The following C16orf74 variants were observed in gnomAD, a reference collection of about 807,000 sequenced individuals.
C16orf74 encodes the protein uncharacterized protein C16orf74.
A neutral mutation model predicts 6.5 loss-of-function variants in C16orf74; 10 were observed. The ratio of observed to expected loss-of-function variants is 1.54; its 90% confidence interval spans 0.95 to 2.61. The LOEUF is 2.61. C16orf74 is among the 30% of genes most tolerant of loss of function. The pLI is 0.00. For missense variants in C16orf74, 141 were observed against 105.9 expected (o/e 1.33, Z -1.45); for synonymous variants, 60 against 42.5 (o/e 1.41, Z -1.60).
Position 85,707,920 on chromosome 16 carries a change from G to T in C16orf74, c.*88C>A. The T allele has an allele frequency of 1.7e-6, 2 of 1,181,264 alleles. No homozygotes were observed. Among genetic ancestry groups the T allele is most frequent in the Non-Finnish European group, 2.4e-6 (2 of 821,562 alleles). The allele number at this position is 1,181,264 out of a possible 1,614,324, so 73.2% of individuals were successfully genotyped here. A position where few individuals can be genotyped will look rare whatever the true frequency, so the allele number is the denominator to read the frequency against. ...GCTCAGTTCCCATCCAGGGTATTCA[G>T]CACACCTGCTCCAGGCAGCCACGCC... On this transcript the variant is annotated 3_prime_UTR_variant, in exon 4 of 4. Transcript: ENST00000284245.
At position 85,728,611 on chromosome 16, in the gene C16orf74, G is replaced by A. The variant is rs183769385; in HGVS notation, c.28+6579C>T. Among the ~76,000 whole-genome samples the A allele has an allele frequency of 2.4e-4, 37 of 152,330 alleles. No individual in the cohort carries two copies. The South Asian group carries it at 3.1e-3, about 13-fold the overall frequency. ...CAGCCACTCTAGTGGGAAAGCCCAT[G>A]CCTGCAGTTTAAGTCTTCCTGCAGA... is the stretch of plus-strand genomic sequence containing the variant. On this transcript the variant is annotated intron_variant, in intron 2 of 3. Transcript: ENST00000284245.
At chr16:85,738,975 T>C (rs1258960852) in intron 1 of C16orf74, among the ~76,000 whole-genome samples, 1 of 133,192 alleles carries the variant, frequency 7.5e-6, no homozygotes, top group Non-Finnish European at 1.7e-5. Flanking sequence ...AGCCAGAACT[T>C]TGGACTCTAG....
In C16orf74 at chr16:85,710,157, G is replaced by T. The variant is rs751878722; in HGVS notation, c.172+7C>A. 7.0e-7 allele frequency: 1 copy of T among 1,427,580 alleles called. No individual in the cohort carries two copies. The highest frequency in any genetic ancestry group is 3.4e-5 in the Admixed American group (1 of 29,014). The allele number at this position is 1,427,580 out of a possible 1,614,324, so 88.4% of individuals were successfully genotyped here. On this transcript the variant is annotated splice_region_variant and intron_variant, in intron 3 of 3. Transcript: ENST00000284245. ...ACCCGGCTTGGCGGTGGAGGGGACG[G>T]CCTCACCTGTGCTCCCCAAGTCCCT...
chr16:85,732,838 C>A (rs1424760171), intron 2 of C16orf74, among the ~76,000 whole-genome samples: 2 of 152,144 alleles, frequency 1.3e-5, no homozygotes, highest in Admixed American at 6.5e-5. Flanking sequence ...ACAAGCCACA[C>A]TCGGGACAGG....
intron 2 of C16orf74, among the ~76,000 whole-genome samples, chr16:85,724,869 C>A (rs184420219): frequency 6.6e-5 from 10 of 152,174 alleles, no homozygotes; most frequent in Admixed American, 6.5e-4. Context: ...CCTGACCTCA[C>A]GGATCCAGGA....
At chr16:85,748,105 T>C (rs1406033143) in intron 1 of C16orf74, among the ~76,000 whole-genome samples, 17 of 74,130 alleles carry the variant, frequency 2.3e-4, no homozygotes, top group Non-Finnish European at 5.1e-4. Flanking sequence ...TATATATATA[T>C]ACATATATAT....
At chr16:85,740,504 C>T (rs1388133325) in intron 1 of C16orf74, among the ~76,000 whole-genome samples, 2 of 151,938 alleles carry the variant, frequency 1.3e-5, no homozygotes, top group Non-Finnish European at 2.9e-5. Flanking sequence ...AGATCGAGAC[C>T]ATCCTGGCTA....
chr16:85,733,251 A>G (rs1477022116), intron 2 of C16orf74, among the ~76,000 whole-genome samples: 1 of 152,266 alleles, frequency 6.6e-6, no homozygotes, highest in African/African-American at 2.4e-5. Flanking sequence ...ATGCATGTTC[A>G]ATGTGGATGA....
rs77110935 is a variant in C16orf74, at chr16:85,740,183, G to A, written c.-18-4948C>T. On this transcript the variant is annotated intron_variant, in intron 1 of 3. Transcript: ENST00000284245. ...CGAGATCACGCCATTGCACCCATAGGCTGGGCGACAAGAACGAGACTTTGT... is the reference window on the plus strand; with the variant it reads ...CGAGATCACGCCATTGCACCCATAGACTGGGCGACAAGAACGAGACTTTGT... Among the ~76,000 whole-genome samples, 169 of 147,300 alleles carry A rather than the reference G, an allele frequency of 1.1e-3. 3 individuals are homozygous for A. In the East Asian group the frequency reaches 0.032, roughly 28 times the overall value.
chr16:85,709,817 A>G (rs891301644), intron 3 of C16orf74, among the ~76,000 whole-genome samples: 1 of 152,216 alleles, frequency 6.6e-6, no homozygotes, highest in South Asian at 2.1e-4. Flanking sequence ...AGCGGCCAAC[A>G]AGATGGAGCA....
chr16:85,715,214 G>C (rs537446054), intron 2 of C16orf74, among the ~76,000 whole-genome samples: 1 of 151,682 alleles, frequency 6.6e-6, no homozygotes, highest in African/African-American at 2.4e-5. Context: ...GAAGCCCAGA[G>C]TGTGAAACAA....
Position 85,707,749 on chromosome 16 carries a change from CCT to C in C16orf74, c.*257_*258del. On this transcript the variant is annotated 3_prime_UTR_variant, in exon 4 of 4. Transcript: ENST00000284245. ...CCCAACAGCCAGGACCATGGCGCTC[CCT>C]TTCACCAGGCCGGAGTCAGCAAGAA... 1 of 514,974 alleles carries C rather than the reference CCT, an allele frequency of 1.9e-6. No homozygotes were observed. Among genetic ancestry groups the C allele is most frequent in the Non-Finnish European group, 3.5e-6 (1 of 288,868 alleles). The allele number at this position is 514,974 out of a possible 1,614,324, so 31.9% of individuals were successfully genotyped here.
chr16:85,707,826 G>C lies in C16orf74; in HGVS notation c.*182C>G, dbSNP rs1598775129. ...CACTCAGCGGGGCCTGGGAAACACT[G>C]TTCTGGAAGTGGACAGGCTGGATTC... On this transcript the variant is annotated 3_prime_UTR_variant, in exon 4 of 4. Coordinates refer to ENST00000284245, the MANE Select transcript of C16orf74 (RefSeq NM_206967.3). 3 of 604,208 alleles carry C rather than the reference G, an allele frequency of 5.0e-6. No individual in the cohort carries two copies. Among genetic ancestry groups the C allele is most frequent in the Admixed American group, 2.9e-5 (1 of 34,544 alleles). The allele number at this position is 604,208 out of a possible 1,614,324, so 37.4% of individuals were successfully genotyped here. A position where few individuals can be genotyped will look rare whatever the true frequency, so the allele number is the denominator to read the frequency against.
chr16:85,748,874 G>C (rs1205001602), intron 1 of C16orf74, among the ~76,000 whole-genome samples: 2 of 151,864 alleles, frequency 1.3e-5, no homozygotes, highest in East Asian at 3.9e-4. Context: ...GTTAACTCTG[G>C]AATGCCCTTA....
intron 2 of C16orf74, chr16:85,710,581 C>G (rs2053959828): frequency 2.5e-6 from 1 of 406,320 alleles, no homozygotes; most frequent in Admixed American, 5.0e-5. Context: ...GTCCAGTTGT[C>G]AGCCTTTACC....
At chr16:85,713,888 C>T (rs929726993) in intron 2 of C16orf74, among the ~76,000 whole-genome samples, 4 of 152,214 alleles carry the variant, frequency 2.6e-5, no homozygotes, top group Non-Finnish European at 5.9e-5. Context: ...CTGGGACCCT[C>T]GTGGGATCTG....
chr16:85,715,570 T>C (rs2054014992), intron 2 of C16orf74, among the ~76,000 whole-genome samples: 2 of 152,092 alleles, frequency 1.3e-5, no homozygotes, highest in Admixed American at 1.3e-4. Context: ...TTGATCTCTG[T>C]GGGCCACACA....
chr16:85,736,992 G>A (rs1270973289), intron 1 of C16orf74, among the ~76,000 whole-genome samples: 1 of 152,004 alleles, frequency 6.6e-6, no homozygotes, highest in Non-Finnish European at 1.5e-5. Flanking sequence ...GCAGTGAGCT[G>A]AGATCGTGCC....
chr16:85,714,636 T>C (rs1419718974), intron 2 of C16orf74, among the ~76,000 whole-genome samples: 1 of 151,078 alleles, frequency 6.6e-6, no homozygotes, highest in African/African-American at 2.4e-5. Flanking sequence ...GCCAGGCTGG[T>C]CTCGAACTCC....
Sources: allele counts gnomAD v4.1 joint callset (sites outside exome capture counted in the v4.1 genomes callset), GRCh38; gene constraint gnomAD v4.1.1; transcripts MANE v1.5; gene names NCBI Gene and HGNC (gene_info 2026-07-23, HGNC 2026-07-21).